The following ACSBG1 variants were observed in gnomAD, a reference collection of about 807,000 sequenced individuals.
The protein encoded by ACSBG1 is acyl-CoA synthetase bubblegum family member 1.
A neutral mutation model predicts 80.2 loss-of-function variants in ACSBG1; 39 were observed. That is an observed-to-expected ratio of 0.49 (90% confidence interval 0.38 to 0.64). The LOEUF (loss-of-function observed/expected upper bound fraction) is 0.64, where lower values mean the gene tolerates loss of function less well. Among genes scored for constraint, ACSBG1 ranks in the 30% least tolerant of loss-of-function variants. The pLI is 0.00. For missense variants in ACSBG1, 828 were observed against 966.4 expected (o/e 0.86, Z 1.90); for synonymous variants, 392 against 379.5 (o/e 1.03, Z -0.38).
chr15:78,179,396 G>A (rs142851119), intron 10 of ACSBG1, among the ~76,000 whole-genome samples, 154 bp downstream of exon 10: 2 of 152,346 alleles, frequency 1.3e-5, no homozygotes, highest in East Asian at 3.9e-4. Context: ...AGATGGCATT[G>A]TTGGCTCTCA....
chr15:78,176,474 G>A (rs760453434), intron 11 of ACSBG1, among the ~76,000 whole-genome samples: 1 of 151,886 alleles, frequency 6.6e-6, no homozygotes, highest in Non-Finnish European at 1.5e-5. Context: ...TATGCAAAAA[G>A]CAGTTGTATT....
chr15:78,177,154 G>T lies in ACSBG1; in HGVS notation c.1702+1460C>A, dbSNP rs2074890321. On this transcript the variant is annotated intron_variant, in intron 11 of 13. Transcript: ENST00000258873. This position sits in a 1 kb window ranked among gnomAD's most constrained non-coding sequence, Gnocchi z 4.1. Reference sequence around the variant, plus strand: ...ATATAATGATTCTAAAATTCATATGGAAATGAAAATGGCCAAGAATAGCCA... The same window carrying T: ...ATATAATGATTCTAAAATTCATATGTAAATGAAAATGGCCAAGAATAGCCA... Among the ~76,000 whole-genome samples the T allele has an allele frequency of 6.6e-6, 1 of 152,090 alleles. No individual in the cohort carries two copies. The highest frequency in any genetic ancestry group is 1.5e-5 in the Non-Finnish European group (1 of 68,034).
chr15:78,204,008 A>G (rs962641061), intron 2 of ACSBG1, among the ~76,000 whole-genome samples: 1 of 152,330 alleles, frequency 6.6e-6, no homozygotes. Flanking sequence ...TGGCCCCAGG[A>G]CATGAAGAGA....
chr15:78,176,054 CT>C lies in ACSBG1; in HGVS notation c.1703-1531del, dbSNP rs540577039. ...TCTAAAAATTTTTACAGCAAACATA[CT>C]TTTTTTAAGATTTAATAATTTTTTT... On this transcript the variant is annotated intron_variant, in intron 11 of 13. Coordinates refer to ENST00000258873, the MANE Select transcript of ACSBG1 (RefSeq NM_015162.5). Among the ~76,000 whole-genome samples the C allele has an allele frequency of 7.0e-4, 98 of 139,438 alleles. 1 individual carries two copies. Among genetic ancestry groups the C allele is most frequent in the African/African-American group, 2.7e-3 (95 of 35,234 alleles). 91.5% of individuals were successfully genotyped at this position (139,438 alleles called of 152,430 possible).
intron 2 of ACSBG1, among the ~76,000 whole-genome samples, chr15:78,196,146 A>T (rs1233582658): frequency 6.6e-6 from 1 of 152,002 alleles, no homozygotes; most frequent in East Asian, 1.9e-4. Context: ...AGAGGTTAAG[A>T]CCTTCTGGGA....
At chr15:78,179,292 C>A (rs935728766) in intron 10 of ACSBG1, among the ~76,000 whole-genome samples, 4 of 152,134 alleles carry the variant, frequency 2.6e-5, no homozygotes. Flanking sequence ...TCAGGGGGCA[C>A]CTGGGCTATG....
intron 9 of ACSBG1, 57 bp downstream of exon 9, chr15:78,180,698 T>C: frequency 1.3e-6 from 2 of 1,574,288 alleles, no homozygotes; most frequent in Non-Finnish European, 1.7e-6. Flanking sequence ...CACTGTGTTT[T>C]GGGTTATGAC....
At chr15:78,196,311 T>A (rs550203418) in intron 2 of ACSBG1, among the ~76,000 whole-genome samples, 1 of 152,350 alleles carries the variant, frequency 6.6e-6, no homozygotes, top group African/African-American at 2.4e-5. Flanking sequence ...CTGATCTGCC[T>A]CTTCAGAGCC....
chr15:78,222,929 AC>A (rs1488844409), intron 1 of ACSBG1, among the ~76,000 whole-genome samples: 9 of 152,220 alleles, frequency 5.9e-5, no homozygotes, highest in Non-Finnish European at 1.3e-4. Context: ...AGGATTTGTC[AC>A]CAGGAAACTG....
chr15:78,175,821 A>AGAG (rs1223022178), intron 11 of ACSBG1, among the ~76,000 whole-genome samples: 3 of 152,172 alleles, frequency 2.0e-5, no homozygotes, highest in African/African-American at 7.2e-5. Flanking sequence ...AGTCAGGTGA[A>AGAG]GAGGAGAAGA....
Position 78,169,273 on chromosome 15 carries a change from T to C in ACSBG1, c.*2171A>G, listed in dbSNP as rs1223020194. 1.1e-5 allele frequency: 3 copies of C among 274,184 alleles called. No individual in the cohort carries two copies. The highest frequency in any genetic ancestry group is 6.6e-5 in the African/African-American group (3 of 45,750). The allele number at this position is 274,184 out of a possible 1,614,324, so 17.0% of individuals were successfully genotyped here. A position where few individuals can be genotyped will look rare whatever the true frequency, so the allele number is the denominator to read the frequency against. On this transcript the variant is annotated 3_prime_UTR_variant, in exon 14 of 14. Coordinates refer to ENST00000258873, the MANE Select transcript of ACSBG1 (RefSeq NM_015162.5). ...TGTAAACTCTGAGTGGACTGTATCA[T>C]TTGCTATTCTAAACCATTTTACACT... is the stretch of plus-strand genomic sequence containing the variant.
At chr15:78,223,466 C>T (rs8036720) in intron 1 of ACSBG1, among the ~76,000 whole-genome samples, 10 of 152,136 alleles carry the variant, frequency 6.6e-5, no homozygotes, top group South Asian at 2.1e-4. Context: ...AATAGAGACA[C>T]GAAGGGCCCA....
intron 1 of ACSBG1, among the ~76,000 whole-genome samples, chr15:78,215,778 GA>G (rs1235597417): frequency 6.7e-6 from 1 of 149,416 alleles, no homozygotes; most frequent in Non-Finnish European, 1.5e-5. Flanking sequence ...AAGAAAGAAA[GA>G]AAGAAAGAGA....
chr15:78,233,608 G>A (rs1230344955), intron 1 of ACSBG1, among the ~76,000 whole-genome samples: 1 of 152,206 alleles, frequency 6.6e-6, no homozygotes, highest in African/African-American at 2.4e-5. Context: ...AGGCGCCCCA[G>A]TTAGAAACCT....
rs772367879 is a variant in ACSBG1, at chr15:78,182,197, G to A, written c.895-52C>T. The A allele has an allele frequency of 1.5e-5, 24 of 1,581,272 alleles. No individual in the cohort carries two copies. In the East Asian group the frequency reaches 4.7e-4, roughly 31 times the overall value. Reference sequence around the variant, plus strand: ...CAGTGTCCACAAGCCAGCCCTGGCGGTGCTCACAACTGTGGCCACCCTGGG... The same window carrying A: ...CAGTGTCCACAAGCCAGCCCTGGCGATGCTCACAACTGTGGCCACCCTGGG... On this transcript the variant is annotated intron_variant, in intron 7 of 13. Coordinates refer to ENST00000258873, the MANE Select transcript of ACSBG1 (RefSeq NM_015162.5).
chr15:78,234,404 A>G lies in ACSBG1; in HGVS notation c.98T>C (p.Ile33Thr), dbSNP rs1483396456. 10 of 1,612,594 alleles carry G rather than the reference A, an allele frequency of 6.2e-6. No individual in the cohort carries two copies. The highest frequency in any genetic ancestry group is 3.3e-5 in the Admixed American group (2 of 60,002). The change falls in exon 1 of 14, where the codon ATT becomes ACT. Residue 33 changes from isoleucine (I) to threonine (T), a missense_variant. Transcript: ENST00000258873. Reference protein sequence around the residue: ...ETPQESRQDMIVRTTQEKLKT... With the variant: ...ETPQESRQDMTVRTTQEKLKT... ...CAATTTTTCTTGGGTGGTCCTCACA[A>G]TCATGTCCTGCCGGCTCTCCTGTGG...
rs58848105 is a variant in ACSBG1 at position 78,179,815 on chromosome 15, TCACACACACA to T, written c.1254-45_1254-36del. The T allele has an allele frequency of 8.1e-5, 76 of 933,074 alleles. No homozygotes were observed. The African/African-American group carries it at 1.1e-3, about 13-fold the overall frequency. The allele number at this position is 933,074 out of a possible 1,614,324, so 57.8% of individuals were successfully genotyped here. On this transcript the variant is annotated intron_variant, in intron 9 of 13. Coordinates refer to ENST00000258873, the MANE Select transcript of ACSBG1 (RefSeq NM_015162.5). ...GAGGGAGAATGGTTCACAGAAGAAATCACACACACACACACACACACACACACATACACAC... is the reference window on the plus strand; with the variant it reads ...GAGGGAGAATGGTTCACAGAAGAAATCACACACACACACACACATACACAC...
chr15:78,174,548 C>T lies in ACSBG1; in HGVS notation c.1703-24G>A, dbSNP rs764244885. On this transcript the variant is annotated intron_variant, in intron 11 of 13. Coordinates refer to ENST00000258873, the MANE Select transcript of ACSBG1 (RefSeq NM_015162.5). Reference sequence around the variant, plus strand: ...TTCTGGGGAGGCAAGGCCAGGCCCCCGGCACAGAATGTAGTCCAGGTGCCC... The same window carrying T: ...TTCTGGGGAGGCAAGGCCAGGCCCCTGGCACAGAATGTAGTCCAGGTGCCC... 30 of 1,607,530 alleles carry T rather than the reference C, an allele frequency of 1.9e-5. 1 individual carries two copies. In the East Asian group the frequency reaches 3.6e-4, roughly 19 times the overall value.
intron 3 of ACSBG1, 83 bp from the exon 4 acceptor site, chr15:78,194,103 G>A: frequency 1.5e-6 from 2 of 1,362,176 alleles, no homozygotes; most frequent in Non-Finnish European, 2.1e-6. Flanking sequence ...CACCCAGACT[G>A]CAGGGGACCT....
Sources: allele counts gnomAD v4.1 joint callset (sites outside exome capture counted in the v4.1 genomes callset), GRCh38; gene constraint gnomAD v4.1.1; non-coding constraint Gnocchi (gnomAD v3.1); transcripts MANE v1.5; gene names NCBI Gene and HGNC (gene_info 2026-07-23, HGNC 2026-07-21).